MRTFA: variants seen among roughly 807,000 people sequenced by gnomAD.
MRTFA encodes the protein myocardin related transcription factor A.
A neutral mutation model predicts 83.5 loss-of-function variants in MRTFA; 20 were observed. That is an observed-to-expected ratio of 0.24 (90% confidence interval 0.17 to 0.35). The LOEUF is 0.35. Among genes scored for constraint, MRTFA ranks in the 10% least tolerant of loss-of-function variants. MRTFA has a pLI of 1.00. For synonymous variants in MRTFA, 659 were observed against 541.2 expected, an observed-to-expected ratio of 1.22 and a Z score of -3.02; for missense variants, 1,200 against 1,224.7, an observed-to-expected ratio of 0.98 and a Z score of 0.30.
intron 4 of MRTFA, among the ~76,000 whole-genome samples, chr22:40,438,666 T>G (rs2053216770): frequency 6.6e-6 from 1 of 152,174 alleles, no homozygotes; most frequent in African/African-American, 2.4e-5. Flanking sequence ...GTATTTTGAG[T>G]GGGCCCATAT....
intron 1 of MRTFA, among the ~76,000 whole-genome samples, chr22:40,602,341 AG>A (rs1275651135): frequency 6.6e-6 from 1 of 152,214 alleles, no homozygotes; most frequent in East Asian, 1.9e-4. Flanking sequence ...GAGTTAACTA[AG>A]GGATATGGGA....
chr22:40,543,114 T>C (rs1448182526), intron 3 of MRTFA, among the ~76,000 whole-genome samples: 1 of 152,208 alleles, frequency 6.6e-6, no homozygotes. Context: ...ATTTAATCAA[T>C]TGACATGCCT....
chr22:40,535,239 T>TG (rs2055147755), intron 3 of MRTFA, among the ~76,000 whole-genome samples: 1 of 152,072 alleles, frequency 6.6e-6, no homozygotes, highest in African/African-American at 2.4e-5. Context: ...CATGACAGTC[T>TG]GGTCAAAGGT....
chr22:40,463,414 A>G, intron 3 of MRTFA, 128 bp from the exon 4 acceptor site: 1 of 715,720 alleles, frequency 1.4e-6, no homozygotes, highest in Non-Finnish European at 2.4e-6. Flanking sequence ...GTCCCCTTGA[A>G]GTGCAACTGT....
intron 3 of MRTFA, among the ~76,000 whole-genome samples, chr22:40,541,251 A>C (rs956748063): frequency 6.6e-6 from 1 of 152,242 alleles, no homozygotes; most frequent in Admixed American, 6.5e-5. Context: ...TGTAACTTAC[A>C]CATGTATACA....
At chr22:40,611,566 G>C (rs574999148) in intron 1 of MRTFA, among the ~76,000 whole-genome samples, 1 of 152,126 alleles carries the variant, frequency 6.6e-6, no homozygotes, top group African/African-American at 2.4e-5. Flanking sequence ...GTTTCCCAAA[G>C]GAGTTTAGAC....
intron 4 of MRTFA, among the ~76,000 whole-genome samples, chr22:40,445,225 A>G (rs1275368244): frequency 6.6e-6 from 1 of 152,186 alleles, no homozygotes; most frequent in Non-Finnish European, 1.5e-5. Flanking sequence ...GAACAGCTTT[A>G]TAACTCTGAC....
chr22:40,430,228 T>C (rs957251200), intron 6 of MRTFA, among the ~76,000 whole-genome samples: 5 of 152,112 alleles, frequency 3.3e-5, no homozygotes, highest in African/African-American at 1.2e-4. Context: ...TGGCTCACGC[T>C]TGTAATCCCA....
chr22:40,445,923 CT>C (rs1384569801), intron 4 of MRTFA, among the ~76,000 whole-genome samples: 2 of 152,190 alleles, frequency 1.3e-5, no homozygotes, highest in African/African-American at 4.8e-5. Context: ...GTACCCCTAC[CT>C]TTTTCATTTT....
rs915635691 is a variant in MRTFA, at chr22:40,429,670, G to T, written c.537C>A (p.Gly179=). ...TGTTCTTCTCCACCAGCTCCATGGGGCCAGGCCTCTGTGCAATCTTCTCAT... is the reference window on the plus strand; with the variant it reads ...TGTTCTTCTCCACCAGCTCCATGGGTCCAGGCCTCTGTGCAATCTTCTCAT... Residue 179 remains glycine (G), a synonymous_variant, in exon 7 of 15, where the codon GGC becomes GGA. Coordinates refer to ENST00000355630, the MANE Select transcript of MRTFA (RefSeq NM_020831.6). 6.2e-7 allele frequency: 1 copy of T among 1,614,022 alleles called. No homozygotes were observed. Among genetic ancestry groups the T allele is most frequent in the African/African-American group, 1.3e-5 (1 of 74,914 alleles).
At chr22:40,459,620 T>C (rs1007382585) in intron 4 of MRTFA, among the ~76,000 whole-genome samples, 17 of 151,674 alleles carry the variant, frequency 1.1e-4, no homozygotes, top group African/African-American at 3.4e-4. Context: ...TGTTTCAAAC[T>C]CCATGCCCAG....
Position 40,411,387 on chromosome 22 carries a change from G to T in MRTFA, c.*3C>A. ...CTTCCCCACCCCGTCTTGAGCCAGA[G>T]AGCTACAAGCAGGAATCCCAGTGCA... On this transcript the variant is annotated 3_prime_UTR_variant, in exon 15 of 15. Coordinates refer to ENST00000355630, the MANE Select transcript of MRTFA (RefSeq NM_020831.6). The T allele has an allele frequency of 6.5e-7, 1 of 1,548,172 alleles. No homozygotes were observed. Among genetic ancestry groups the T allele is most frequent in the South Asian group, 1.2e-5 (1 of 82,048 alleles).
At chr22:40,613,943 T>C (rs1406841956) in intron 1 of MRTFA, among the ~76,000 whole-genome samples, 2 of 152,016 alleles carry the variant, frequency 1.3e-5, no homozygotes, top group African/African-American at 4.8e-5. Flanking sequence ...CTCATGCCTG[T>C]AATCCCAGCA....
intron 3 of MRTFA, among the ~76,000 whole-genome samples, chr22:40,519,154 T>C (rs890621142): frequency 6.6e-6 from 1 of 151,988 alleles, no homozygotes; most frequent in African/African-American, 2.4e-5. Context: ...GTTAGTCTAA[T>C]CTGTGCTTAA....
intron 3 of MRTFA, among the ~76,000 whole-genome samples, chr22:40,500,600 C>T (rs182367614): frequency 6.6e-6 from 1 of 151,690 alleles, no homozygotes; most frequent in East Asian, 1.9e-4. Context: ...TGACTCTTAA[C>T]GAGCATGCTG....
Position 40,586,989 on chromosome 22 carries a change from T to C in MRTFA, c.-22+7685A>G, listed in dbSNP as rs560347313. On this transcript the variant is annotated intron_variant, in intron 2 of 14. Transcript: ENST00000355630. ...CACCTGGAGTTTGTGGTTGCTGGCCTGGCAAAGCCTGGTGTTGCAGAGCAT... is the reference window on the plus strand; with the variant it reads ...CACCTGGAGTTTGTGGTTGCTGGCCCGGCAAAGCCTGGTGTTGCAGAGCAT... The C allele has an allele frequency of 4.4e-4, 202 of 460,650 alleles. 2 individuals carry two copies. The highest frequency in any genetic ancestry group is 3.1e-3 in the South Asian group (199 of 63,342). 28.5% of individuals were successfully genotyped at this position (460,650 alleles called of 1,614,324 possible).
At chr22:40,479,679 G>A (rs533444853) in intron 3 of MRTFA, among the ~76,000 whole-genome samples, 2 of 152,220 alleles carry the variant, frequency 1.3e-5, no homozygotes, top group Non-Finnish European at 2.9e-5. Flanking sequence ...TCAACATGGT[G>A]CTCAAAGGAA....
chr22:40,529,454 T>G (rs2055037280), intron 3 of MRTFA, among the ~76,000 whole-genome samples: 1 of 152,126 alleles, frequency 6.6e-6, no homozygotes, highest in African/African-American at 2.4e-5. Flanking sequence ...GTAGCTGGAA[T>G]TACAGGCACC....
chr22:40,415,634 G>A (rs541022286), intron 14 of MRTFA, among the ~76,000 whole-genome samples: 138 of 152,090 alleles, frequency 9.1e-4, no homozygotes, highest in African/African-American at 3.1e-3. Context: ...GGACCATCTC[G>A]GGGTCATCTG....
Sources: allele counts gnomAD v4.1 joint callset (sites outside exome capture counted in the v4.1 genomes callset), GRCh38; gene constraint gnomAD v4.1.1; transcripts MANE v1.5; gene names NCBI Gene and HGNC (gene_info 2026-07-23, HGNC 2026-07-21).